The following TDRP variants were observed in gnomAD, a reference collection of about 807,000 sequenced individuals.
TDRP encodes the protein testis development related protein.
A neutral mutation model predicts 10.5 loss-of-function variants in TDRP; 12 were observed. That is an observed-to-expected ratio of 1.15 (90% confidence interval 0.73 to 1.86). The LOEUF (loss-of-function observed/expected upper bound fraction) is 1.86, where lower values mean the gene tolerates loss of function less well. Among genes scored for constraint, TDRP ranks in the 40% most tolerant of loss-of-function variants. TDRP has a pLI of 0.00. For missense variants in TDRP, 353 were observed against 229.2 expected, an observed-to-expected ratio of 1.54 and a Z score of -3.49; for synonymous variants, 139 against 95.4, an observed-to-expected ratio of 1.46 and a Z score of -2.67.
intron 1 of TDRP, among the ~76,000 whole-genome samples, chr8:543,649 G>A (rs1802558634): frequency 6.6e-6 from 1 of 151,620 alleles, no homozygotes; most frequent in African/African-American, 2.4e-5. Flanking sequence ...TAACATAATC[G>A]GCTCCATTTT....
intron 1 of TDRP, among the ~76,000 whole-genome samples, chr8:508,650 A>C (rs943578677): frequency 9.9e-5 from 15 of 152,110 alleles, no homozygotes; most frequent in African/African-American, 3.6e-4. Context: ...TGGGAATTAC[A>C]ATTCAAGATG....
chr8:509,247 C>T (rs1801546888), intron 1 of TDRP, among the ~76,000 whole-genome samples: 1 of 152,146 alleles, frequency 6.6e-6, no homozygotes, highest in Non-Finnish European at 1.5e-5. Context: ...GCCCTTTTTT[C>T]ACAGTTACAC....
At chr8:495,739 A>T (rs2116717301) in intron 1 of TDRP, among the ~76,000 whole-genome samples, 1 of 152,356 alleles carries the variant, frequency 6.6e-6, no homozygotes, top group Non-Finnish European at 1.5e-5. Context: ...CTGCAGCATG[A>T]CACTGATCCG....
Position 494,579 on chromosome 8 carries a change from G to A in TDRP, c.127C>T (p.Arg43Ter), listed in dbSNP as rs1417691666. 4.3e-6 allele frequency: 7 copies of A among 1,613,582 alleles called. No homozygotes were observed. The highest frequency in any genetic ancestry group is 1.7e-5 in the Admixed American group (1 of 59,982). The change falls in exon 2 of 3, where the codon CGA becomes TGA. Residue 43 changes from arginine (R) to a stop codon, truncating the protein, a stop_gained. Coordinates refer to ENST00000324079, the MANE Select transcript of TDRP (RefSeq NM_001384899.1). LOFTEE classifies it high-confidence loss of function. ...AQAQVQGASF[R>*]GWKEVTSLFN... Reference sequence around the variant, plus strand: ...AGTGAAGTCACTTCTTTCCAACCTCGGAAACTTGCTCCCTGAACCTAATAA... The same window carrying A: ...AGTGAAGTCACTTCTTTCCAACCTCAGAAACTTGCTCCCTGAACCTAATAA...
intron 1 of TDRP, among the ~76,000 whole-genome samples, chr8:500,042 G>A (rs540748297): frequency 6.6e-6 from 1 of 152,154 alleles, no homozygotes; most frequent in Non-Finnish European, 1.5e-5. Flanking sequence ...TTAAAACTAG[G>A]ATTCAATTCA....
At chr8:528,717 C>A (rs4520138) in intron 1 of TDRP, among the ~76,000 whole-genome samples, 8 of 151,596 alleles carry the variant, frequency 5.3e-5, no homozygotes, top group Non-Finnish European at 1.2e-4. Flanking sequence ...TATTATATGC[C>A]TGTATCAAAA....
intron 1 of TDRP, among the ~76,000 whole-genome samples, chr8:505,746 G>T (rs1197618065): frequency 6.6e-6 from 1 of 152,200 alleles, no homozygotes; most frequent in Admixed American, 6.5e-5. Flanking sequence ...GTGTATACCA[G>T]AAGAGAAATC....
chr8:543,621 T>C (rs1802558165), intron 1 of TDRP, among the ~76,000 whole-genome samples: 1 of 151,234 alleles, frequency 6.6e-6, no homozygotes, highest in South Asian at 2.1e-4. Context: ...GTTCAGATAG[T>C]AACCATATTT....
At chr8:498,312 C>G (rs1801189541) in intron 1 of TDRP, among the ~76,000 whole-genome samples, 1 of 152,174 alleles carries the variant, frequency 6.6e-6, no homozygotes, top group African/African-American at 2.4e-5. Context: ...CGTTGGAAGC[C>G]CACCCCTTGC....
At chr8:528,849 G>A (rs547950643) in intron 1 of TDRP, among the ~76,000 whole-genome samples, 5 of 150,500 alleles carry the variant, frequency 3.3e-5, no homozygotes, top group African/African-American at 5.0e-5. Context: ...GTGTATATAT[G>A]TGTGTGTGTG....
Position 540,202 on chromosome 8 carries a change from G to A in TDRP, c.108+4448C>T, listed in dbSNP as rs1458029310. Among the ~76,000 whole-genome samples, 3 of 152,276 alleles carry A rather than the reference G, an allele frequency of 2.0e-5. No individual in the cohort carries two copies. The South Asian group carries it at 6.2e-4, about 32-fold the overall frequency. On this transcript the variant is annotated intron_variant, in intron 1 of 2. Coordinates refer to ENST00000324079, the MANE Select transcript of TDRP (RefSeq NM_001384899.1). The stretch of plus-strand genomic sequence containing the variant: ...CGGCTCAGCAACCTTTATATTCACC[G>A]TAAGAGGCCCAATGAAATAAATTTT...
chr8:530,101 T>G (rs542567955), intron 1 of TDRP, among the ~76,000 whole-genome samples: 1 of 152,318 alleles, frequency 6.6e-6, no homozygotes, highest in South Asian at 2.1e-4. Context: ...GCTGTTGAGT[T>G]TGACGATTCT....
At position 535,386 on chromosome 8, in the gene TDRP, A is replaced by C. The variant is rs545843530; in HGVS notation, c.108+9264T>G. ...GAAACTGTGGTTCGCCTGGTTATAT[A>C]CAGCACCAAGACAGAACCCCAGCTA... On this transcript the variant is annotated intron_variant, in intron 1 of 2. Coordinates refer to ENST00000324079, the MANE Select transcript of TDRP (RefSeq NM_001384899.1). Among the ~76,000 whole-genome samples, 124 of 152,250 alleles carry C rather than the reference A, an allele frequency of 8.1e-4. 1 individual carries two copies. Among genetic ancestry groups the C allele is most frequent in the Non-Finnish European group, 3.2e-4 (22 of 68,008 alleles).
intron 1 of TDRP, among the ~76,000 whole-genome samples, chr8:512,296 G>T (rs1801641019): frequency 6.6e-6 from 1 of 151,982 alleles, no homozygotes; most frequent in Non-Finnish European, 1.5e-5. Context: ...GACTGGGCAT[G>T]GTGGCACACA....
At chr8:494,689 A>G in intron 1 of TDRP, 92 bp from the exon 2 acceptor site, 1 of 1,158,998 alleles carries the variant, frequency 8.6e-7, no homozygotes. Context: ...TGAAATTTAG[A>G]AAAAAGAATT....
At chr8:534,809 C>T (rs1035605037) in intron 1 of TDRP, among the ~76,000 whole-genome samples, 4 of 152,050 alleles carry the variant, frequency 2.6e-5, no homozygotes, top group African/African-American at 7.2e-5. Flanking sequence ...ATGGAATCCA[C>T]AAATAATGAA....
intron 1 of TDRP, among the ~76,000 whole-genome samples, chr8:542,193 A>C (rs543000293): frequency 6.6e-6 from 1 of 152,258 alleles, no homozygotes; most frequent in South Asian, 2.1e-4. Flanking sequence ...CAACCAAATG[A>C]CATTCTGGAA....
chr8:516,613 T>C (rs1801763017), intron 1 of TDRP, among the ~76,000 whole-genome samples: 1 of 152,150 alleles, frequency 6.6e-6, no homozygotes, highest in South Asian at 2.1e-4. Context: ...CACCAGATGC[T>C]GGCAAGGACA....
chr8:516,453 C>T (rs1000840596), intron 1 of TDRP, among the ~76,000 whole-genome samples: 1 of 152,210 alleles, frequency 6.6e-6, no homozygotes, highest in African/African-American at 2.4e-5. Flanking sequence ...GAGCAAAAGA[C>T]TTTAACAGAC....
Sources: gnomAD v4.1 joint callset for allele counts (sites outside exome capture counted in the v4.1 genomes callset) on GRCh38, gnomAD v4.1.1 for gene constraint, MANE v1.5 for transcripts, NCBI Gene and HGNC (gene_info 2026-07-23, HGNC 2026-07-21) for gene names.